P2RY14: variants seen among roughly 807,000 people sequenced by gnomAD.
P2RY14 encodes the protein P2Y purinoceptor 14.
In P2RY14, 2 loss-of-function variants were observed where a neutral mutation model predicts 0.9. That is an observed-to-expected ratio of 2.16 (90% confidence interval 0.88 to 6.79). The LOEUF (loss-of-function observed/expected upper bound fraction) is 6.79. Among genes scored for constraint, P2RY14 ranks in the 30% most tolerant of loss-of-function variants. The probability of loss-of-function intolerance (pLI) is 0.05; values close to 1 mark genes in which losing one functional copy is unlikely to be tolerated. For synonymous variants in P2RY14, 158 were observed against 147.2 expected (o/e 1.07, Z -0.53); for missense variants, 378 against 400.1 (o/e 0.94, Z 0.47).
intron 1 of P2RY14, chr3:151,269,836 G>T: frequency 4.5e-6 from 2 of 440,972 alleles, no homozygotes; most frequent in Non-Finnish European, 8.9e-6. Flanking sequence ...CCAGTCAAAC[G>T]CAGAGTAAAG....
In P2RY14 at chr3:151,232,631, T is replaced by C. The variant is rs538873585; in HGVS notation, c.-132-12989A>G. On this transcript the variant is annotated intron_variant, in intron 1 of 2. Coordinates refer to ENST00000309170, the MANE Select transcript of P2RY14 (RefSeq NM_014879.4). ...CATAAAAAAAGAATGAGATCATGTC[T>C]TGTGGGAATATGGATGGAGCTGGAA... Among the ~76,000 whole-genome samples, 291 of 152,340 alleles carry C rather than the reference T, an allele frequency of 1.9e-3. 1 individual carries two copies. The highest frequency in any genetic ancestry group is 6.8e-3 in the African/African-American group (281 of 41,578).
chr3:151,247,648 T>C (rs1202311762), intron 1 of P2RY14, among the ~76,000 whole-genome samples: 1 of 141,482 alleles, frequency 7.1e-6, no homozygotes, highest in East Asian at 2.1e-4. Context: ...CATTGGGAGA[T>C]GTACCTAATG....
chr3:151,251,682 T>C (rs1175454255), intron 1 of P2RY14, among the ~76,000 whole-genome samples: 2 of 152,228 alleles, frequency 1.3e-5, no homozygotes, highest in East Asian at 1.9e-4. Flanking sequence ...GTTTGAACTC[T>C]CTGTGAATAT....
At chr3:151,232,290 C>T (rs752933871) in intron 1 of P2RY14, among the ~76,000 whole-genome samples, 2 of 152,174 alleles carry the variant, frequency 1.3e-5, no homozygotes, top group Non-Finnish European at 1.5e-5. Context: ...AATGGTTGAA[C>T]TCATTTACCC....
At chr3:151,233,762 G>A (rs775323321) in intron 1 of P2RY14, among the ~76,000 whole-genome samples, 1 of 152,130 alleles carries the variant, frequency 6.6e-6, no homozygotes, top group African/African-American at 2.4e-5. Flanking sequence ...ACACAGCACC[G>A]ACTTGAGAGC....
intron 1 of P2RY14, among the ~76,000 whole-genome samples, chr3:151,241,017 C>T (rs1559923001): frequency 6.6e-6 from 1 of 152,054 alleles, no homozygotes. Context: ...CAAAAACATC[C>T]AGTGAGATGA....
intron 1 of P2RY14, among the ~76,000 whole-genome samples, chr3:151,227,841 G>A (rs1158616438): frequency 6.6e-6 from 1 of 152,168 alleles, no homozygotes; most frequent in East Asian, 1.9e-4. Context: ...TTCGGTTTCA[G>A]TTCTTTGTGG....
chr3:151,271,473 C>T (rs1740933052), intron 1 of P2RY14, among the ~76,000 whole-genome samples: 1 of 152,130 alleles, frequency 6.6e-6, no homozygotes, highest in South Asian at 2.1e-4. Flanking sequence ...CATGTTGCTT[C>T]CTTGTGACCT....
At chr3:151,254,085 A>G (rs897488404) in intron 1 of P2RY14, among the ~76,000 whole-genome samples, 13 of 151,226 alleles carry the variant, frequency 8.6e-5, no homozygotes, top group Admixed American at 1.3e-4. Flanking sequence ...AAAAACATAT[A>G]ATGAAAAAAA....
In P2RY14 at chr3:151,212,747, A is replaced by G. The variant is rs149078299; in HGVS notation, c.*553T>C. On this transcript the variant is annotated 3_prime_UTR_variant, in exon 3 of 3. Coordinates refer to ENST00000309170, the MANE Select transcript of P2RY14 (RefSeq NM_014879.4). Reference sequence around the variant, plus strand: ...CTTTGCAGTGCCATGAAATACATCAATAAGGGGTTTCTTAAGTGATTGTCT... The same window carrying G: ...CTTTGCAGTGCCATGAAATACATCAGTAAGGGGTTTCTTAAGTGATTGTCT... 2.6e-5 allele frequency: 4 copies of G among 152,196 alleles called. No individual in the cohort carries two copies. The East Asian group carries it at 5.8e-4, about 22-fold the overall frequency. The allele number at this position is 152,196 out of a possible 1,614,324, so 9.4% of individuals were successfully genotyped here.
chr3:151,246,352 G>T (rs1196189448), intron 1 of P2RY14, among the ~76,000 whole-genome samples: 1 of 151,706 alleles, frequency 6.6e-6, no homozygotes, highest in South Asian at 2.1e-4. Context: ...GAGGCATCAC[G>T]CTACCTGACT....
At chr3:151,239,213 G>T (rs1733577044) in intron 1 of P2RY14, among the ~76,000 whole-genome samples, 1 of 152,134 alleles carries the variant, frequency 6.6e-6, no homozygotes. Flanking sequence ...ATAAAATTGG[G>T]CATAAGTAAA....
chr3:151,214,915 C>T (rs1477671503), intron 2 of P2RY14, among the ~76,000 whole-genome samples: 1 of 151,616 alleles, frequency 6.6e-6, no homozygotes, highest in Non-Finnish European at 1.5e-5. Flanking sequence ...TTGTTTTTTC[C>T]TAAAAGAGAA....
At chr3:151,268,524 G>T (rs1017672508) in intron 1 of P2RY14, among the ~76,000 whole-genome samples, 3 of 152,132 alleles carry the variant, frequency 2.0e-5, no homozygotes, top group African/African-American at 7.2e-5. Flanking sequence ...GAAGCTTCCA[G>T]GTTTCTCCAT....
intron 1 of P2RY14, among the ~76,000 whole-genome samples, chr3:151,233,839 T>C (rs1732213375): frequency 6.6e-6 from 1 of 152,254 alleles, no homozygotes; most frequent in African/African-American, 2.4e-5. Flanking sequence ...CTCCGCCTTG[T>C]GGTAACTCTG....
chr3:151,261,834 TG>T (rs1738972276), intron 1 of P2RY14, among the ~76,000 whole-genome samples: 1 of 152,020 alleles, frequency 6.6e-6, no homozygotes, highest in African/African-American at 2.4e-5. Flanking sequence ...AATACATTCT[TG>T]TGCCTCAGCC....
At chr3:151,270,847 T>C (rs1740810004) in intron 1 of P2RY14, among the ~76,000 whole-genome samples, 1 of 152,192 alleles carries the variant, frequency 6.6e-6, no homozygotes, top group East Asian at 1.9e-4. Flanking sequence ...CCACAGAACC[T>C]GCAGGATATT....
chr3:151,237,375 GTC>G (rs1733118802), intron 1 of P2RY14, among the ~76,000 whole-genome samples: 1 of 99,868 alleles, frequency 1.0e-5, no homozygotes, highest in Admixed American at 1.5e-4. Context: ...TTGAGACAGA[GTC>G]TTACTCTTGT....
chr3:151,238,909 C>T (rs1224424956), intron 1 of P2RY14, among the ~76,000 whole-genome samples: 1 of 152,148 alleles, frequency 6.6e-6, no homozygotes, highest in Non-Finnish European at 1.5e-5. Flanking sequence ...ACCATTTTTA[C>T]TTGATCGAAT....
Sources: allele counts gnomAD v4.1 joint callset (sites outside exome capture counted in the v4.1 genomes callset), GRCh38; gene constraint gnomAD v4.1.1; transcripts MANE v1.5; gene names NCBI Gene and HGNC (gene_info 2026-07-23, HGNC 2026-07-21).